The following EDEM1 variants were observed in gnomAD, a reference collection of about 807,000 sequenced individuals.
EDEM1 encodes the protein ER degradation-enhancing alpha-mannosidase-like protein 1.
In EDEM1, 67 loss-of-function variants were observed where a neutral mutation model predicts 74.4. The ratio of observed to expected loss-of-function variants is 0.90; its 90% CI spans 0.74 to 1.10. The LOEUF is 1.10. Ranked by LOEUF, EDEM1 falls within the 50% of genes least tolerant of loss-of-function variation. The probability of loss-of-function intolerance (pLI) is 0.00; values close to 1 mark genes in which losing one functional copy is unlikely to be tolerated. For missense variants in EDEM1, 926 were observed against 851.6 expected, an observed-to-expected ratio of 1.09 and a Z score of -1.09; for synonymous variants, 382 against 335.9, an observed-to-expected ratio of 1.14 and a Z score of -1.50.
intron 5 of EDEM1, among the ~76,000 whole-genome samples, chr3:5,204,794 A>T (rs1048159455): frequency 1.3e-5 from 2 of 152,228 alleles, no homozygotes; most frequent in African/African-American, 2.4e-5. Context: ...TGCATCGTCA[A>T]TCTGGAAAAG....
At chr3:5,215,208 G>T (rs1016496435) in intron 11 of EDEM1, among the ~76,000 whole-genome samples, 16 of 149,858 alleles carry the variant, frequency 1.1e-4, no homozygotes, top group African/African-American at 3.9e-4. Flanking sequence ...AGCAGATAAT[G>T]AATGTATTTA....
intron 11 of EDEM1, among the ~76,000 whole-genome samples, chr3:5,214,390 C>T (rs1431438579): frequency 6.6e-6 from 1 of 152,120 alleles, no homozygotes; most frequent in Non-Finnish European, 1.5e-5. Flanking sequence ...CCGTTAATGC[C>T]CCAGTGAAGG....
chr3:5,207,327 C>T, intron 7 of EDEM1, 54 bp downstream of exon 7: 1 of 1,600,798 alleles, frequency 6.2e-7, no homozygotes, highest in South Asian at 1.1e-5. Flanking sequence ...AGGGCTTCTC[C>T]CTCCTTTTCT....
rs1387830933 is a variant in EDEM1 at position 5,216,058 on chromosome 3, C to T, written c.*140C>T. 13 of 642,738 alleles carry T rather than the reference C, an allele frequency of 2.0e-5. No individual in the cohort carries two copies. Among genetic ancestry groups the T allele is most frequent in the African/African-American group, 9.2e-5 (5 of 54,308 alleles). 39.8% of individuals were successfully genotyped at this position (642,738 alleles called of 1,614,324 possible). ...GGAATTTCTGTGCAACACCTCACCA[C>T]GTCTGGTTAATCCTTGCACACTTCA... On this transcript the variant is annotated 3_prime_UTR_variant, in exon 12 of 12. Transcript: ENST00000256497.
chr3:5,211,273 C>A, intron 10 of EDEM1, 57 bp downstream of exon 10: 1 of 1,517,474 alleles, frequency 6.6e-7, no homozygotes. Context: ...AGCAAGCATT[C>A]GCATAGTCTT....
Position 5,199,656 on chromosome 3 carries a change from A to T in EDEM1, c.647A>T (p.Asp216Val). The stretch of plus-strand genomic sequence containing the variant: ...TTAGTGATCAACACAGTTTCATTTG[A>T]CAAAGATTCCACCGTCCAAGTCTTT... ...VKLVINTVSF[D>V]KDSTVQVFEA... is the part of the protein sequence containing the mutation. The change falls in exon 3 of 12, where the codon GAC (aspartate) becomes GTC (valine). Residue 216 changes from aspartate (D) to valine (V), a missense_variant. By Grantham distance (152) the Asp-to-Val change is radical. Transcript: ENST00000256497. 6.2e-7 allele frequency: 1 copy of T among 1,613,950 alleles called. No individual in the cohort carries two copies. Among genetic ancestry groups the T allele is most frequent in the African/African-American group, 1.3e-5 (1 of 75,052 alleles).
chr3:5,198,872 A>T (rs1483123916), intron 2 of EDEM1, among the ~76,000 whole-genome samples: 1 of 152,144 alleles, frequency 6.6e-6, no homozygotes, highest in East Asian at 1.9e-4. Context: ...GGAATGAAAT[A>T]ATTTTGATTC....
intron 5 of EDEM1, among the ~76,000 whole-genome samples, chr3:5,204,114 A>G (rs1343425172): frequency 1.3e-5 from 2 of 152,230 alleles, no homozygotes; most frequent in Admixed American, 6.5e-5. Context: ...AGCAATAGAA[A>G]TAAAGAAGTC....
chr3:5,211,374 ATCT>A, intron 10 of EDEM1, 158 bp downstream of exon 10: 1 of 654,292 alleles, frequency 1.5e-6, no homozygotes, highest in East Asian at 2.9e-5. Context: ...GGATATTACT[ATCT>A]TCTTTCATGG....
intron 1 of EDEM1, among the ~76,000 whole-genome samples, chr3:5,191,823 T>A (rs1351458221): frequency 2.0e-5 from 3 of 152,222 alleles, no homozygotes; most frequent in Admixed American, 1.3e-4. Flanking sequence ...TCTCACATCC[T>A]TAATTTGGGT....
At position 5,195,247 on chromosome 3, in the gene EDEM1, C is replaced by A. The variant is rs770810666; in HGVS notation, c.548C>A (p.Ser183Ter). ...ATCAATGATGTACTAGGGAACTACT[C>A]ATTGACTCTTGTTGATGCATTGGAT... is the stretch of plus-strand genomic sequence containing the variant. ...LNINDVLGNY[S>*]LTLVDALDTL... The change falls in exon 2 of 12, where the codon TCA (serine) becomes TAA (stop). Residue 183 changes from serine (S) to a stop codon, truncating the protein, a stop_gained. Transcript: ENST00000256497. LOFTEE classifies it high-confidence loss of function. The A allele has an allele frequency of 1.3e-6, 2 of 1,568,830 alleles. No homozygotes were observed. The highest frequency in any genetic ancestry group is 1.2e-5 in the South Asian group (1 of 84,414).
At chr3:5,204,641 C>G (rs1229198066) in intron 5 of EDEM1, among the ~76,000 whole-genome samples, 1 of 152,176 alleles carries the variant, frequency 6.6e-6, no homozygotes. Flanking sequence ...ATCCACCTGC[C>G]TCGGCTTCCC....
At chr3:5,208,065 A>G in intron 7 of EDEM1, 28 bp from the exon 8 acceptor site, 1 of 1,564,896 alleles carries the variant, frequency 6.4e-7, no homozygotes, top group South Asian at 1.2e-5. Flanking sequence ...ATGGTATCTC[A>G]GCCTGATGAC....
chr3:5,207,960 G>C (rs766348788), intron 7 of EDEM1, 133 bp from the exon 8 acceptor site: 9 of 1,123,158 alleles, frequency 8.0e-6, no homozygotes, highest in Non-Finnish European at 1.1e-5. Flanking sequence ...TTTTGGGTTG[G>C]TTTTGTCTTT....
intron 3 of EDEM1, among the ~76,000 whole-genome samples, chr3:5,200,703 C>T (rs2055023674): frequency 6.6e-6 from 1 of 152,094 alleles, no homozygotes; most frequent in African/African-American, 2.4e-5. Context: ...CTTTATGGGT[C>T]TACAAGGACT....
At chr3:5,188,598 A>G (rs997989364) in intron 1 of EDEM1, 3 of 358,350 alleles carry the variant, frequency 8.4e-6, no homozygotes, top group Non-Finnish European at 9.9e-6. Flanking sequence ...GAGGTCCAGG[A>G]CCAGAAGGGA....
rs1364584536 is a variant in EDEM1, at chr3:5,207,169, G to A, written c.1234G>A (p.Glu412Lys). Residue 412 changes from glutamate to lysine, a missense_variant, in exon 7 of 12, where the codon GAA (glutamate) becomes AAA (lysine). Glu to Lys is a moderately conservative substitution (Grantham distance 56). Transcript: ENST00000256497. The part of the protein sequence containing the change: ...YLRRGREACN[E>K]GEGDPPLYVN... ...GGTTTGCAGGCGGGAAGCCTGCAAT[G>A]AAGGAGAAGGAGACCCTCCACTCTA... 6.2e-7 allele frequency: 1 copy of A among 1,614,120 alleles called. No homozygotes were observed. Among genetic ancestry groups the A allele is most frequent in the East Asian group, 2.2e-5 (1 of 44,874 alleles).
intron 2 of EDEM1, among the ~76,000 whole-genome samples, chr3:5,196,450 C>T (rs1368041398): frequency 8.4e-6 from 1 of 118,542 alleles, no homozygotes; most frequent in Non-Finnish European, 1.9e-5. Flanking sequence ...GAGTGAGACT[C>T]CATCTCTGGA....
At chr3:5,201,731 T>C (rs146151852) in intron 3 of EDEM1, 22 bp from the exon 4 acceptor site, 1 of 1,613,784 alleles carries the variant, frequency 6.2e-7, no homozygotes, top group East Asian at 2.2e-5. Flanking sequence ...TTGTATTATC[T>C]TTTTGTTCTT....
Sources: allele counts gnomAD v4.1 joint callset (sites outside exome capture counted in the v4.1 genomes callset), GRCh38; gene constraint gnomAD v4.1.1; transcripts MANE v1.5; gene names NCBI Gene and HGNC (gene_info 2026-07-23, HGNC 2026-07-21).